THSD4: variants seen among roughly 807,000 people sequenced by gnomAD.
THSD4 encodes the protein thrombospondin type 1 domain containing 4.
A neutral mutation model predicts 119.0 loss-of-function variants in THSD4; 69 were observed. That is an observed-to-expected ratio of 0.58 (90% confidence interval 0.48 to 0.71). The LOEUF (loss-of-function observed/expected upper bound fraction) is 0.71, where lower values mean the gene tolerates loss of function less well. THSD4 is among the 30% of genes least tolerant of loss of function. The pLI is 0.00. For missense variants in THSD4, 1,393 were observed against 1,391.1 expected (o/e 1.00, Z -0.02); for synonymous variants, 524 against 540.4 (o/e 0.97, Z 0.42).
At chr15:71,500,205 G>A (rs1203719925) in intron 7 of THSD4, among the ~76,000 whole-genome samples, 2 of 151,774 alleles carry the variant, frequency 1.3e-5, no homozygotes, top group Non-Finnish European at 2.9e-5. Context: ...ATTTCATTGT[G>A]GTTTTGATTT....
intron 14 of THSD4, among the ~76,000 whole-genome samples, chr15:71,755,469 CATTGACTCT>C (rs1183167281): frequency 2.0e-5 from 3 of 151,962 alleles, no homozygotes; most frequent in Non-Finnish European, 4.4e-5. Flanking sequence ...AGAACTCAAA[CATTGACTCT>C]ATTTTTAAGA....
Position 71,312,283 on chromosome 15 carries a change from G to A in THSD4, c.1015+55568G>A, listed in dbSNP as rs111715549. On this transcript the variant is annotated intron_variant, in intron 6 of 17. Coordinates refer to ENST00000261862, the MANE Select transcript of THSD4 (RefSeq NM_024817.3). ...GCAGAGGTTGCAGTAAGCTGAGATC[G>A]TACCACTGCACTCCAGTCTGGGTGA... Among the ~76,000 whole-genome samples the A allele has an allele frequency of 2.5e-3, 379 of 152,162 alleles. 1 individual carries two copies. The highest frequency in any genetic ancestry group is 7.9e-3 in the African/African-American group (330 of 41,514).
rs371733800 is a variant in THSD4 at position 71,600,024 on chromosome 15, G to A, written c.1153-60506G>A. On this transcript the variant is annotated intron_variant, in intron 7 of 17. Coordinates refer to ENST00000261862, the MANE Select transcript of THSD4 (RefSeq NM_024817.3). ...CTTCTTTCTGTTATGACTCCATCTG[G>A]TGAAAGCCTATTTCACTTTCCTTCC... Among the ~76,000 whole-genome samples, 26 of 152,334 alleles carry A rather than the reference G, an allele frequency of 1.7e-4. No individual in the cohort carries two copies. In the East Asian group the frequency reaches 2.1e-3, roughly 12 times the overall value.
chr15:71,177,807 C>A (rs2043461345), intron 3 of THSD4, among the ~76,000 whole-genome samples: 1 of 148,808 alleles, frequency 6.7e-6, no homozygotes, highest in African/African-American at 2.5e-5. Flanking sequence ...AAGTGGGCTT[C>A]ATCCCTGGGA....
intron 8 of THSD4, among the ~76,000 whole-genome samples, chr15:71,677,533 T>G (rs562928622): frequency 6.6e-6 from 1 of 152,318 alleles, no homozygotes; most frequent in South Asian, 2.1e-4. Flanking sequence ...ACAGCGCACC[T>G]CCCTTTGATT....
intron 3 of THSD4, among the ~76,000 whole-genome samples, chr15:71,158,652 G>GT (rs368806299): frequency 0.14 from 19,979 of 142,768 alleles, 3,111 homozygotes; most frequent in African/African-American, 0.39. Context: ...TGTTGAGTTG[G>GT]TTTTTTTTTT....
chr15:71,139,637 C>T (rs108331), intron 1 of THSD4, among the ~76,000 whole-genome samples: 14,845 of 152,188 alleles, frequency 0.098, 1,936 homozygotes, highest in African/African-American at 0.3. Context: ...CTTAATAACC[C>T]GCAGAAAGGG....
intron 7 of THSD4, among the ~76,000 whole-genome samples, chr15:71,431,436 G>A (rs2046941956): frequency 6.6e-6 from 1 of 152,144 alleles, no homozygotes; most frequent in African/African-American, 2.4e-5. Flanking sequence ...ACTTGCAAAT[G>A]TCTTTCAGGA....
In THSD4 at chr15:71,215,197, C is replaced by CGCGGCGGCCA. The variant is rs1338557808; in HGVS notation, c.268_277dup (p.Pro93ArgfsTer82). ...CTGCCTGCCCCGCTCCTACCGCCTGCGCGGCGGCCAGCGGCCTGGCGCCCC... is the reference window on the plus strand; with the variant it reads ...CTGCCTGCCCCGCTCCTACCGCCTGCGCGGCGGCCAGCGGCGGCCAGCGGCCTGGCGCCCC... On this transcript the variant is annotated frameshift_variant, in exon 4 of 18. Transcript: ENST00000261862. LOFTEE classifies it high-confidence loss of function. 1.5e-6 allele frequency: 2 copies of CGCGGCGGCCA among 1,358,730 alleles called. No individual in the cohort carries two copies. The highest frequency in any genetic ancestry group is 3.1e-5 in the African/African-American group (2 of 65,110). The allele number at this position is 1,358,730 out of a possible 1,614,324, so 84.2% of individuals were successfully genotyped here.
chr15:71,481,906 T>C lies in THSD4; in HGVS notation c.1152+70083T>C, dbSNP rs1271887908. 2.6e-5 allele frequency among the ~76,000 whole-genome samples: 4 copies of C among 152,330 alleles called. No individual in the cohort carries two copies. In the East Asian group the frequency reaches 5.8e-4, roughly 22 times the overall value. Reference sequence around the variant, plus strand: ...GCAGGGATTCTTTATGTGTTTCCAGTCATTGCTTGAAAACTCAGCCTTTTG... The same window carrying C: ...GCAGGGATTCTTTATGTGTTTCCAGCCATTGCTTGAAAACTCAGCCTTTTG... On this transcript the variant is annotated intron_variant, in intron 7 of 17. Coordinates refer to ENST00000261862, the MANE Select transcript of THSD4 (RefSeq NM_024817.3).
intron 3 of THSD4, among the ~76,000 whole-genome samples, chr15:71,202,901 ACT>A (rs1444415679): frequency 2.6e-5 from 4 of 152,034 alleles, no homozygotes; most frequent in Non-Finnish European, 5.9e-5. Context: ...CAGGTGACAG[ACT>A]CTCTGTTAGA....
At chr15:71,660,003 C>G (rs989921394) in intron 7 of THSD4, among the ~76,000 whole-genome samples, 4 of 150,842 alleles carry the variant, frequency 2.7e-5, no homozygotes, top group African/African-American at 9.8e-5. Flanking sequence ...AGTCCTGCTT[C>G]TGAGGCCTCT....
chr15:71,108,612 G>A (rs1184179956), intron 1 of THSD4, among the ~76,000 whole-genome samples: 5 of 152,172 alleles, frequency 3.3e-5, no homozygotes, highest in South Asian at 4.1e-4. Flanking sequence ...CACCAGATGG[G>A]TTCCTATTTC....
intron 7 of THSD4, among the ~76,000 whole-genome samples, chr15:71,424,684 CAGAG>C (rs2046847087): frequency 6.6e-6 from 1 of 152,196 alleles, no homozygotes; most frequent in African/African-American, 2.4e-5. Flanking sequence ...GTCTAATTAA[CAGAG>C]AGCACGATTA....
At position 71,753,605 on chromosome 15, in the gene THSD4, G is replaced by A. The variant is rs939575738; in HGVS notation, c.2416-4297G>A. 1.8e-4 allele frequency among the ~76,000 whole-genome samples: 28 copies of A among 152,300 alleles called. 1 individual carries two copies. Among genetic ancestry groups the A allele is most frequent in the Admixed American group, 1.5e-3 (23 of 15,296 alleles). On this transcript the variant is annotated intron_variant, in intron 14 of 17. Coordinates refer to ENST00000261862, the MANE Select transcript of THSD4 (RefSeq NM_024817.3). ...TTTATCAGCCCAGAAGTTCAATTACGAGTCATGTCCTCTTCTGACTAGCAA... is the reference window on the plus strand; with the variant it reads ...TTTATCAGCCCAGAAGTTCAATTACAAGTCATGTCCTCTTCTGACTAGCAA...
chr15:71,670,685 C>T (rs1382824743), intron 8 of THSD4, among the ~76,000 whole-genome samples: 1 of 151,572 alleles, frequency 6.6e-6, no homozygotes, highest in Non-Finnish European at 1.5e-5. Context: ...GTGATGTTCC[C>T]CATCCTGTGT....
chr15:71,500,704 G>T (rs1303157917), intron 7 of THSD4, among the ~76,000 whole-genome samples: 1 of 152,198 alleles, frequency 6.6e-6, no homozygotes, highest in East Asian at 1.9e-4. Context: ...TAGAAATCCA[G>T]TTTTCCCAAT....
intron 7 of THSD4, among the ~76,000 whole-genome samples, chr15:71,536,091 A>G (rs1244536450): frequency 6.6e-6 from 1 of 152,212 alleles, no homozygotes; most frequent in Non-Finnish European, 1.5e-5. Flanking sequence ...TTAGTGTCCT[A>G]TGGCTTTTAC....
chr15:71,336,870 G>T (rs971734133), intron 6 of THSD4, among the ~76,000 whole-genome samples: 2 of 152,128 alleles, frequency 1.3e-5, no homozygotes, highest in Admixed American at 1.3e-4. Context: ...CACTTTCACC[G>T]GTGGAAAATG....
Sources: allele counts gnomAD v4.1 joint callset (sites outside exome capture counted in the v4.1 genomes callset), GRCh38; gene constraint gnomAD v4.1.1; transcripts MANE v1.5; gene names NCBI Gene and HGNC (gene_info 2026-07-23, HGNC 2026-07-21).